SNTG2: variants seen among roughly 807,000 people sequenced by gnomAD.
The protein encoded by SNTG2 is syntrophin gamma 2.
SNTG2 carries 74 observed loss-of-function variants against 70.9 expected under a neutral mutation model. The ratio of observed to expected loss-of-function variants is 1.04; its 90% confidence interval spans 0.86 to 1.27. The LOEUF is 1.27. Among genes scored for constraint, SNTG2 ranks in the 50% most tolerant of loss-of-function variants. SNTG2 has a pLI of 0.00. For synonymous variants in SNTG2, 278 were observed against 273.8 expected, an observed-to-expected ratio of 1.02 and a Z score of -0.15; for missense variants, 717 against 690.7, an observed-to-expected ratio of 1.04 and a Z score of -0.43.
At chr2:1,072,062 C>T (rs1663596674) in intron 1 of SNTG2, among the ~76,000 whole-genome samples, 1 of 152,168 alleles carries the variant, frequency 6.6e-6, no homozygotes, top group African/African-American at 2.4e-5. Context: ...GGTGAAGCCA[C>T]AAGTGCTGAT....
intron 12 of SNTG2, among the ~76,000 whole-genome samples, chr2:1,255,729 A>G (rs1042058990): frequency 3.3e-5 from 5 of 150,428 alleles, no homozygotes; most frequent in African/African-American, 1.2e-4. Flanking sequence ...TCACTGCATC[A>G]TGGGCTATGC....
At chr2:1,167,590 G>C (rs28579566) in intron 7 of SNTG2, among the ~76,000 whole-genome samples, 201 of 55,220 alleles carry the variant, frequency 3.6e-3, no homozygotes, top group Middle Eastern at 0.015. Flanking sequence ...CTGAAGCCTA[G>C]AAGCCGCCCA....
intron 14 of SNTG2, among the ~76,000 whole-genome samples, chr2:1,281,635 A>G (rs1029893814): frequency 6.6e-6 from 1 of 152,086 alleles, no homozygotes; most frequent in African/African-American, 2.4e-5. Flanking sequence ...ACGTCCCCAG[A>G]GTACCTGTTA....
chr2:1,006,234 C>T (rs986917191), intron 1 of SNTG2, among the ~76,000 whole-genome samples: 7 of 150,998 alleles, frequency 4.6e-5, no homozygotes, highest in Admixed American at 2.6e-4. Context: ...GTGGGTGCAG[C>T]GCACTAGCAT....
intron 1 of SNTG2, among the ~76,000 whole-genome samples, chr2:978,683 T>C (rs1020967074): frequency 1.1e-4 from 17 of 152,192 alleles, no homozygotes; most frequent in Admixed American, 1.3e-4. Flanking sequence ...TTTTAAAATA[T>C]ATATTTTCTG....
At chr2:1,086,753 A>G (rs1664708589) in intron 2 of SNTG2, among the ~76,000 whole-genome samples, 1 of 152,238 alleles carries the variant, frequency 6.6e-6, no homozygotes. Flanking sequence ...AAGTACTTGG[A>G]TTTATTATGT....
chr2:1,235,321 G>A (rs1450094431), intron 9 of SNTG2, among the ~76,000 whole-genome samples: 2 of 64,306 alleles, frequency 3.1e-5, no homozygotes, highest in African/African-American at 6.0e-5. Flanking sequence ...CCTGCCCCAC[G>A]CTGCCCTGAG....
At chr2:1,225,745 G>A (rs1020073679) in intron 9 of SNTG2, among the ~76,000 whole-genome samples, 1 of 152,214 alleles carries the variant, frequency 6.6e-6, no homozygotes, top group Non-Finnish European at 1.5e-5. Context: ...TTGCAGAGAC[G>A]TTCGTTCCCA....
At chr2:1,220,610 C>T (rs561794428) in intron 9 of SNTG2, among the ~76,000 whole-genome samples, 1 of 152,334 alleles carries the variant, frequency 6.6e-6, no homozygotes, top group East Asian at 1.9e-4. Context: ...ATTACGCCAT[C>T]TTTAAATTTT....
intron 1 of SNTG2, among the ~76,000 whole-genome samples, chr2:1,012,146 G>C (rs758139283): frequency 1.3e-5 from 2 of 152,092 alleles, no homozygotes; most frequent in African/African-American, 4.8e-5. Flanking sequence ...CAATCAATAC[G>C]AGCAACGATC....
intron 14 of SNTG2, among the ~76,000 whole-genome samples, chr2:1,287,777 G>A (rs189694668): frequency 7.9e-5 from 12 of 152,326 alleles, no homozygotes; most frequent in East Asian, 1.9e-4. Flanking sequence ...AGAGTCTGCC[G>A]TCATGAAAAG....
At chr2:964,027 C>G (rs1230471152) in intron 1 of SNTG2, among the ~76,000 whole-genome samples, 1 of 152,138 alleles carries the variant, frequency 6.6e-6, no homozygotes, top group Non-Finnish European at 1.5e-5. Context: ...GCGATCCACG[C>G]AGTCACAGTG....
chr2:1,273,097 C>G (rs911275644), intron 14 of SNTG2, among the ~76,000 whole-genome samples: 6 of 152,182 alleles, frequency 3.9e-5, no homozygotes, highest in African/African-American at 9.7e-5. Context: ...CAAGTCCTGA[C>G]GAGCACGCCC....
At position 1,142,201 on chromosome 2, in the gene SNTG2, C is replaced by G. The variant is rs1020350150; in HGVS notation, c.411+4392C>G. 1.1e-4 allele frequency among the ~76,000 whole-genome samples: 17 copies of G among 152,300 alleles called. 1 individual carries two copies. Among genetic ancestry groups the G allele is most frequent in the African/African-American group, 4.1e-4 (17 of 41,566 alleles). The stretch of plus-strand genomic sequence containing the variant: ...ATTTTTCACCTACGCAAATCAATTG[C>G]AACTGCAATGTATTCCCCATCTATT... On this transcript the variant is annotated intron_variant, in intron 6 of 16. Coordinates refer to ENST00000308624, the MANE Select transcript of SNTG2 (RefSeq NM_018968.4).
At chr2:1,074,369 A>T (rs1267128589) in intron 1 of SNTG2, among the ~76,000 whole-genome samples, 1 of 152,162 alleles carries the variant, frequency 6.6e-6, no homozygotes, top group East Asian at 1.9e-4. Flanking sequence ...TAAGCCTGCT[A>T]AAGGGAGCAC....
At chr2:1,002,096 A>G (rs1238649928) in intron 1 of SNTG2, among the ~76,000 whole-genome samples, 14 of 152,166 alleles carry the variant, frequency 9.2e-5, no homozygotes, top group Admixed American at 8.5e-4. Flanking sequence ...AGCTCTCACC[A>G]TATACGAAAG....
chr2:1,271,505 C>G (rs1425754064), intron 14 of SNTG2, among the ~76,000 whole-genome samples: 1 of 152,054 alleles, frequency 6.6e-6, no homozygotes, highest in African/African-American at 2.4e-5. Context: ...TATAAAATAT[C>G]TATCAGATAG....
intron 4 of SNTG2, among the ~76,000 whole-genome samples, chr2:1,137,030 A>G (rs1216267258): frequency 6.6e-6 from 1 of 152,228 alleles, no homozygotes. Flanking sequence ...GTTACGAGGA[A>G]GTGACATTCG....
At chr2:1,163,074 T>C (rs1670437583) in intron 6 of SNTG2, among the ~76,000 whole-genome samples, 1 of 152,088 alleles carries the variant, frequency 6.6e-6, no homozygotes, top group South Asian at 2.1e-4. Context: ...AGTGGGCATG[T>C]GAAGCCTCCC....
Sources: gnomAD v4.1 joint callset for allele counts (sites outside exome capture counted in the v4.1 genomes callset) on GRCh38, gnomAD v4.1.1 for gene constraint, MANE v1.5 for transcripts, NCBI Gene and HGNC (gene_info 2026-07-23, HGNC 2026-07-21) for gene names.